The following SEZ6L2 variants were observed in gnomAD, a reference collection of about 807,000 sequenced individuals.
SEZ6L2 encodes seizure 6-like protein 2.
In SEZ6L2, 44 loss-of-function variants were observed where a neutral mutation model predicts 97.0. The ratio of observed to expected loss-of-function variants is 0.45; its 90% CI spans 0.36 to 0.58. SEZ6L2 has a LOEUF of 0.58. SEZ6L2 is among the 20% of genes least tolerant of loss of function. The pLI is 0.00. For synonymous variants in SEZ6L2, 543 were observed against 546.1 expected (o/e 0.99, Z 0.08); for missense variants, 1,086 against 1,233.3 (o/e 0.88, Z 1.79).
Position 29,895,411 on chromosome 16 carries a change from C to A in SEZ6L2, c.701G>T (p.Gly234Val), listed in dbSNP as rs1225405607. 4 of 1,614,102 alleles carry A rather than the reference C, an allele frequency of 2.5e-6. No homozygotes were observed. In the East Asian group the frequency reaches 8.9e-5, roughly 36 times the overall value. Residue 234 changes from glycine to valine, a missense_variant, in exon 5 of 18, where the codon GGT becomes GTT. Physicochemically the swap from Gly to Val is moderately radical, Grantham distance 109. Around this residue, in one of 2 missense-constraint regions of SEZ6L2, gnomAD observed 776 missense variants for 794.7 expected, o/e 0.98. Coordinates refer to ENST00000617533, the MANE Select transcript of SEZ6L2 (RefSeq NM_001243332.2). ...GGGGGCCAGGCCTGGGGATCCCCCA[C>A]CAGCCAGCACCAGGAGCTCCTCTTC... ...SQEEELLVLA[G>V]GGSPGLAPRL...
At chr16:29,897,601 C>G (rs1431467823) in intron 2 of SEZ6L2, among the ~76,000 whole-genome samples, 1 of 146,112 alleles carries the variant, frequency 6.8e-6, no homozygotes, top group African/African-American at 2.6e-5. Flanking sequence ...ATTTCCATCT[C>G]TGTTTCTATG....
chr16:29,896,754 C>G lies in SEZ6L2; in HGVS notation c.511+68G>C, dbSNP rs2068399352. ...CTCCTTCCACAGTTCCCAGCAGCCT[C>G]TCTCCCATCCATCCCCAGCGTGTAC... On this transcript the variant is annotated intron_variant, in intron 3 of 17. Coordinates refer to ENST00000617533, the MANE Select transcript of SEZ6L2 (RefSeq NM_001243332.2). 5.6e-6 allele frequency: 8 copies of G among 1,420,782 alleles called. No homozygotes were observed. The East Asian group carries it at 1.4e-4, about 24-fold the overall frequency. The allele number at this position is 1,420,782 out of a possible 1,614,324, so 88.0% of individuals were successfully genotyped here.
Position 29,874,603 on chromosome 16 carries a change from G to T in SEZ6L2, c.2105-874C>A, listed in dbSNP as rs535662183. Among the ~76,000 whole-genome samples, 19 of 93,194 alleles carry T rather than the reference G, an allele frequency of 2.0e-4. No homozygotes were observed. In the East Asian group the frequency reaches 5.5e-3, roughly 27 times the overall value. 61.1% of individuals were successfully genotyped at this position (93,194 alleles called of 152,430 possible). A position where few individuals can be genotyped will look rare whatever the true frequency, so the allele number is the denominator to read the frequency against. ...TTTTTTTTTTTGAGATGGGAGTCTC[G>T]CTCTGTCGCCCAGGCTGGAGTGCAG... is the stretch of plus-strand genomic sequence containing the variant. On this transcript the variant is annotated intron_variant, in intron 12 of 17. Coordinates refer to ENST00000617533, the MANE Select transcript of SEZ6L2 (RefSeq NM_001243332.2).
rs1436458417 is a variant in SEZ6L2 at position 29,887,835 on chromosome 16, G to T, written c.1040-18C>A. Reference sequence around the variant, plus strand: ...ACAGGATGCTGTGGGCAGAGGAGGGGTACGTTAAGGCCAGCCTGAGGTGAA... The same window carrying T: ...ACAGGATGCTGTGGGCAGAGGAGGGTTACGTTAAGGCCAGCCTGAGGTGAA... On this transcript the variant is annotated intron_variant, in intron 6 of 17. Transcript: ENST00000617533. 5 of 1,612,852 alleles carry T rather than the reference G, an allele frequency of 3.1e-6. No homozygotes were observed. The East Asian group carries it at 6.7e-5, about 22-fold the overall frequency.
At chr16:29,898,124 C>A in intron 1 of SEZ6L2, 140 bp from the exon 2 acceptor site, 1 of 1,264,298 alleles carries the variant, frequency 7.9e-7, no homozygotes, top group Non-Finnish European at 1.1e-6. Flanking sequence ...GACTGAGGGC[C>A]AAGATCGGAG....
At position 29,896,935 on chromosome 16, in the gene SEZ6L2, G is replaced by A; in HGVS notation, c.398C>T (p.Pro133Leu). Reference protein sequence around the residue: ...LTPPPGTTAPPPPSPASPGPP... With the variant: ...LTPPPGTTAPLPPSPASPGPP... ...CCCTGGGGAGGCAGGGCTGGGTGGG[G>A]GTGGGGCTGTGGTTCCTGGGGGCGG... Residue 133 changes from proline (P) to leucine (L), a missense_variant, in exon 3 of 18, where the codon CCC becomes CTC. Pro to Leu is a moderately conservative substitution (Grantham distance 98). Transcript: ENST00000617533. 1.9e-6 allele frequency: 3 copies of A among 1,610,984 alleles called. No individual in the cohort carries two copies. Among genetic ancestry groups the A allele is most frequent in the Non-Finnish European group, 2.5e-6 (3 of 1,179,068 alleles).
Position 29,876,885 on chromosome 16 carries a change from G to A in SEZ6L2, c.1975C>T (p.His659Tyr). Reference protein sequence around the residue: ...PPEWGWRTASHGDLIRGTVLT... With the variant: ...PPEWGWRTASYGDLIRGTVLT... ...ACCGTGCCCCGGATCAGGTCCCCGT[G>A]GGATGCCGTTCTCCAGCCCCACTCC... Residue 659 changes from histidine to tyrosine, a missense_variant, in exon 12 of 18, where the codon CAC becomes TAC. This residue lies in a region of SEZ6L2 where 310 missense variants were observed against 438.6 expected (regional missense o/e 0.71). Coordinates refer to ENST00000617533, the MANE Select transcript of SEZ6L2 (RefSeq NM_001243332.2). This position sits in a 1 kb window ranked among gnomAD's most constrained non-coding sequence, Gnocchi z 6.5. The A allele has an allele frequency of 1.9e-6, 3 of 1,613,654 alleles. No homozygotes were observed. Among genetic ancestry groups the A allele is most frequent in the South Asian group, 1.1e-5 (1 of 91,046 alleles).
intron 5 of SEZ6L2, among the ~76,000 whole-genome samples, chr16:29,892,836 A>G (rs1304877529): frequency 6.6e-6 from 1 of 152,178 alleles, no homozygotes; most frequent in African/African-American, 2.4e-5. Context: ...TCATGCACAC[A>G]TGTCTGCTAG....
At chr16:29,877,511 C>A in intron 10 of SEZ6L2, 44 bp from the exon 11 acceptor site, 2 of 1,516,596 alleles carry the variant, frequency 1.3e-6, no homozygotes, top group Non-Finnish European at 1.8e-6. Context: ...CTGCGACTGG[C>A]CCCTCCCATC....
chr16:29,873,249 GT>G lies in SEZ6L2; in HGVS notation c.2478del (p.Leu827SerfsTer17). The G allele has an allele frequency of 6.2e-7, 1 of 1,613,936 alleles. No individual in the cohort carries two copies. Among genetic ancestry groups the G allele is most frequent in the Non-Finnish European group, 8.5e-7 (1 of 1,179,958 alleles). ...CTGTCTGGCCAGGCACCTTTGCAGAGTGGGGGCTGGCTGGTCCACTGGGAGG... is the reference window on the plus strand; with the variant it reads ...CTGTCTGGCCAGGCACCTTTGCAGAGGGGGGCTGGCTGGTCCACTGGGAGG... The part of the protein sequence containing the change: ...GHPSQWTSQP[P>X]LCKVAYEELL... On this transcript the variant is annotated frameshift_variant, in exon 14 of 18. Coordinates refer to ENST00000617533, the MANE Select transcript of SEZ6L2 (RefSeq NM_001243332.2). LOFTEE classifies it high-confidence loss of function. The surrounding 1 kb of genome is among the most constrained non-coding windows in gnomAD (Gnocchi z 4.3).
chr16:29,893,801 T>C (rs1017835474), intron 5 of SEZ6L2, among the ~76,000 whole-genome samples: 3 of 152,182 alleles, frequency 2.0e-5, no homozygotes, highest in Non-Finnish European at 4.4e-5. Context: ...CACCCGCTTC[T>C]GTGCTTTGAA....
Position 29,895,818 on chromosome 16 carries a change from T to C in SEZ6L2, c.554A>G (p.Glu185Gly). The change falls in exon 4 of 18, where the codon GAG becomes GGG. Residue 185 changes from glutamate (E) to glycine (G), a missense_variant. Around this residue, in one of 2 missense-constraint regions of SEZ6L2, gnomAD observed 776 missense variants for 794.7 expected, o/e 0.98. Transcript: ENST00000617533. ...NNISEGEGYV[E>G]SPDLGSPVSR... ...GACGGGGCTCCCCAGATCTGGAGAC[T>C]CCACATACCCTTCGCCCTCGGAGAT... is the stretch of plus-strand genomic sequence containing the variant. The C allele has an allele frequency of 6.2e-7, 1 of 1,613,974 alleles. No homozygotes were observed. Among genetic ancestry groups the C allele is most frequent in the Non-Finnish European group, 8.5e-7 (1 of 1,179,950 alleles).
intron 1 of SEZ6L2, among the ~76,000 whole-genome samples, chr16:29,898,453 C>G (rs929153572): frequency 1.3e-5 from 2 of 151,932 alleles, no homozygotes; most frequent in African/African-American, 4.8e-5. Flanking sequence ...CTCTCCCCCC[C>G]ACCCTCTCTC....
chr16:29,873,487 G>T lies in SEZ6L2; in HGVS notation c.2296+51C>A. ...TGCACTACTGTGCACGGGGCAGACG[G>T]GCTCTCCCAGGGCTACCCAGCCACC... On this transcript the variant is annotated intron_variant, in intron 13 of 17. Coordinates refer to ENST00000617533, the MANE Select transcript of SEZ6L2 (RefSeq NM_001243332.2). The surrounding 1 kb of genome is among the most constrained non-coding windows in gnomAD (Gnocchi z 4.3). 3.7e-6 allele frequency: 6 copies of T among 1,613,894 alleles called. No individual in the cohort carries two copies. The highest frequency in any genetic ancestry group is 2.5e-6 in the Non-Finnish European group (3 of 1,179,902).
intron 5 of SEZ6L2, among the ~76,000 whole-genome samples, chr16:29,894,119 C>G (rs1175001984): frequency 1.3e-5 from 2 of 152,210 alleles, no homozygotes; most frequent in Non-Finnish European, 2.9e-5. Context: ...GATCCACCAG[C>G]CTTGGCCTCC....
intron 8 of SEZ6L2, among the ~76,000 whole-genome samples, chr16:29,885,213 T>A (rs1267727061): frequency 2.8e-5 from 2 of 70,250 alleles, no homozygotes; most frequent in Non-Finnish European, 6.8e-5. Context: ...TCTCAAAAAA[T>A]AAATAAATAA....
intron 2 of SEZ6L2, 58 bp downstream of exon 2, chr16:29,897,795 C>T: frequency 2.0e-6 from 3 of 1,536,238 alleles, no homozygotes; most frequent in Non-Finnish European, 2.6e-6. Context: ...CCCCATCTCC[C>T]TGAGCCCATA....
Position 29,880,032 on chromosome 16 carries a change from G to C in SEZ6L2, c.1405C>G (p.Leu469Val), listed in dbSNP as rs781679016. Residue 469 changes from leucine (L) to valine (V), a missense_variant, in exon 9 of 18, where the codon CTG (leucine) becomes GTG (valine). This residue lies in a region of SEZ6L2 where 776 missense variants were observed against 794.7 expected (regional missense o/e 0.98). Transcript: ENST00000617533. The stretch of plus-strand genomic sequence containing the variant: ...GTGGTAGTGACATTTCCATGTGCCA[G>C]GAAGGGGGCGAAGCAGCGATCCTCC... ...FEEDRCFAPF[L>V]AHGNVTTTDP... The C allele has an allele frequency of 1.9e-6, 3 of 1,614,240 alleles. No homozygotes were observed. Among genetic ancestry groups the C allele is most frequent in the African/African-American group, 1.3e-5 (1 of 75,072 alleles).
intron 2 of SEZ6L2, among the ~76,000 whole-genome samples, chr16:29,897,529 G>A (rs2068431474): frequency 6.6e-6 from 1 of 151,980 alleles, no homozygotes; most frequent in African/African-American, 2.4e-5. Flanking sequence ...AGATCCACTA[G>A]TTTTTGTGTT....
Sources: gnomAD v4.1 joint callset for allele counts (sites outside exome capture counted in the v4.1 genomes callset) on GRCh38, gnomAD v4.1.1 for gene constraint, gnomAD v4.1.1 regional missense constraint, Gnocchi (gnomAD v3.1) non-coding constraint, MANE v1.5 for transcripts, NCBI Gene and HGNC (gene_info 2026-07-23, HGNC 2026-07-21) for gene names.